PREP: variants seen among roughly 807,000 people sequenced by gnomAD.
The protein encoded by PREP is prolyl endopeptidase.
A neutral mutation model predicts 87.6 loss-of-function variants in PREP; 29 were observed. The observed-to-expected ratio is 0.33, with a 90% CI of 0.25 to 0.45. PREP has a LOEUF of 0.45. Ranked by LOEUF, PREP falls within the 20% of genes least tolerant of loss-of-function variation. The pLI is 1.00. For synonymous variants in PREP, 337 were observed against 328.6 expected (o/e 1.03, Z -0.28); for missense variants, 695 against 886.5 (o/e 0.78, Z 2.74).
At chr6:105,288,676 T>A (rs934269576) in intron 11 of PREP, 82 bp downstream of exon 11, 1 of 1,534,586 alleles carries the variant, frequency 6.5e-7, no homozygotes, top group Non-Finnish European at 8.8e-7. Context: ...TTTTAGAAAG[T>A]TGATTTAGTA....
intron 10 of PREP, among the ~76,000 whole-genome samples, chr6:105,293,289 C>T (rs1036302063): frequency 2.6e-4 from 39 of 152,070 alleles, no homozygotes; most frequent in Non-Finnish European, 3.2e-4. Flanking sequence ...GGTTGTTAAT[C>T]GCCCTAATTG....
intron 6 of PREP, among the ~76,000 whole-genome samples, chr6:105,367,629 G>A (rs909242034): frequency 1.4e-5 from 2 of 145,352 alleles, no homozygotes; most frequent in East Asian, 4.0e-4. Context: ...CCGAGATCCC[G>A]CCACTGCGCT....
At chr6:105,354,926 T>A (rs1772053050) in intron 6 of PREP, among the ~76,000 whole-genome samples, 1 of 152,202 alleles carries the variant, frequency 6.6e-6, no homozygotes, top group African/African-American at 2.4e-5. Flanking sequence ...GCAAGACATT[T>A]TTCTAGGTAT....
chr6:105,328,142 A>G (rs1006319294), intron 9 of PREP, among the ~76,000 whole-genome samples: 1 of 152,224 alleles, frequency 6.6e-6, no homozygotes, highest in Non-Finnish European at 1.5e-5. Flanking sequence ...ATTGATTCTC[A>G]GCTTATTCCA....
intron 6 of PREP, among the ~76,000 whole-genome samples, chr6:105,366,748 G>A (rs569289191): frequency 2.5e-4 from 38 of 152,204 alleles, no homozygotes; most frequent in Non-Finnish European, 5.0e-4. Flanking sequence ...ATTGTTCAGC[G>A]TTAAAAAGGA....
chr6:105,276,408 C>A lies in PREP; in HGVS notation c.*1736G>T, dbSNP rs752204524. Among the ~76,000 whole-genome samples, 1 of 152,224 alleles carries A rather than the reference C, an allele frequency of 6.6e-6. No homozygotes were observed. The highest frequency in any genetic ancestry group is 2.4e-5 in the African/African-American group (1 of 41,448). On this transcript the variant is annotated 3_prime_UTR_variant, in exon 15 of 15. Transcript: ENST00000652536. ...GAAAGTATGGTTAGATTCTGTGCAA[C>A]CTTGAAAATGCTCTGGACTCAGTGG... is the stretch of plus-strand genomic sequence containing the variant.
At chr6:105,343,677 T>G (rs1041307873) in intron 7 of PREP, among the ~76,000 whole-genome samples, 8 of 120,324 alleles carry the variant, frequency 6.6e-5, no homozygotes, top group Non-Finnish European at 9.3e-5. Context: ...AAATTTACAA[T>G]AAAAAAATCA....
chr6:105,387,134 A>G (rs945646952), intron 2 of PREP, among the ~76,000 whole-genome samples: 9 of 152,112 alleles, frequency 5.9e-5, no homozygotes, highest in Admixed American at 5.9e-4. Context: ...AGACATGAGA[A>G]TTGCTTGAAC....
chr6:105,397,326 A>G (rs1287642368), intron 2 of PREP, among the ~76,000 whole-genome samples: 1 of 145,978 alleles, frequency 6.9e-6, no homozygotes, highest in Non-Finnish European at 1.5e-5. Context: ...TGTTTCTCCA[A>G]AAGAATATGA....
At position 105,277,914 on chromosome 6, in the gene PREP, C is replaced by A; in HGVS notation, c.*230G>T. 1 of 593,160 alleles carries A rather than the reference C, an allele frequency of 1.7e-6. No homozygotes were observed. The highest frequency in any genetic ancestry group is 2.9e-6 in the Non-Finnish European group (1 of 348,410). The allele number at this position is 593,160 out of a possible 1,614,324, so 36.7% of individuals were successfully genotyped here. On this transcript the variant is annotated 3_prime_UTR_variant, in exon 15 of 15. Coordinates refer to ENST00000652536, the MANE Select transcript of PREP (RefSeq NM_002726.5). ...TCCCAACATGCCCTTAAAAAAAACACCAAAAAACCACATGTGCCTAGACAG... is the reference window on the plus strand; with the variant it reads ...TCCCAACATGCCCTTAAAAAAAACAACAAAAAACCACATGTGCCTAGACAG...
Position 105,343,458 on chromosome 6 carries a change from C to T in PREP, c.823+9514G>A, listed in dbSNP as rs527658622. Among the ~76,000 whole-genome samples the T allele has an allele frequency of 1.2e-4, 18 of 152,258 alleles. No individual in the cohort carries two copies. In the South Asian group the frequency reaches 2.1e-3, roughly 18 times the overall value. ...AACCTAGGCAATACCATTCAGGACA[C>T]AGGCATGGGCAAGGACTTCATGACT... On this transcript the variant is annotated intron_variant, in intron 7 of 14. Coordinates refer to ENST00000652536, the MANE Select transcript of PREP (RefSeq NM_002726.5).
chr6:105,304,593 C>T lies in PREP; in HGVS notation c.1318-15699G>A, dbSNP rs113015271. 2.3e-3 allele frequency among the ~76,000 whole-genome samples: 348 copies of T among 152,290 alleles called. 1 individual carries two copies. Among genetic ancestry groups the T allele is most frequent in the African/African-American group, 8.0e-3 (333 of 41,548 alleles). On this transcript the variant is annotated intron_variant, in intron 10 of 14. Transcript: ENST00000652536. ...ACTGTATTGTGCTCCCATGTGTCCC[C>T]GTTCTAGGCCTGTGCATCTATTTGC...
chr6:105,289,314 C>A (rs114734929), intron 10 of PREP, among the ~76,000 whole-genome samples: 3,484 of 152,250 alleles, frequency 0.023, 50 homozygotes, highest in Middle Eastern at 0.058. Context: ...GCCATCCTGC[C>A]AAGCAACTCA....
chr6:105,380,702 T>A (rs1487764450), intron 2 of PREP, among the ~76,000 whole-genome samples: 1 of 152,146 alleles, frequency 6.6e-6, no homozygotes, highest in Non-Finnish European at 1.5e-5. Flanking sequence ...GTCAGAGCCC[T>A]AAGAAGGATT....
At chr6:105,301,241 A>G (rs1400477977) in intron 10 of PREP, among the ~76,000 whole-genome samples, 1 of 152,224 alleles carries the variant, frequency 6.6e-6, no homozygotes. Flanking sequence ...TTAAAGGAGA[A>G]TGTTCATAAA....
chr6:105,373,474 G>T lies in PREP; in HGVS notation c.490C>A (p.Leu164Ile). ...TTGACTCTTTCAAGCACATCTGGAA[G>T]CTCTTTGGCACCATCAACTTTCATG... ...KFMKVDGAKELPDVLERVKFS... is the reference protein window; with the variant it reads ...KFMKVDGAKEIPDVLERVKFS... The change falls in exon 5 of 15, where the codon CTT becomes ATT. Residue 164 changes from leucine (L) to isoleucine (I), a missense_variant. Leu to Ile is a conservative substitution (Grantham distance 5). Transcript: ENST00000652536. The T allele has an allele frequency of 6.2e-7, 1 of 1,614,230 alleles. No individual in the cohort carries two copies. The highest frequency in any genetic ancestry group is 2.2e-5 in the East Asian group (1 of 44,892).
intron 6 of PREP, among the ~76,000 whole-genome samples, chr6:105,354,461 T>C (rs1426232656): frequency 6.6e-6 from 1 of 152,166 alleles, no homozygotes; most frequent in African/African-American, 2.4e-5. Flanking sequence ...TAATTTTATA[T>C]GTCAATCTGG....
Position 105,274,697 on chromosome 6 carries a change from G to C in PREP, c.*3447C>G, listed in dbSNP as rs1387040652. ...GCAGGAGAATCACGTGAACCCAAGAGGTGGAGGTTGCAGTAAGCTGAGATA... is the reference window on the plus strand; with the variant it reads ...GCAGGAGAATCACGTGAACCCAAGACGTGGAGGTTGCAGTAAGCTGAGATA... On this transcript the variant is annotated 3_prime_UTR_variant, in exon 15 of 15. Transcript: ENST00000652536. 6.6e-6 allele frequency among the ~76,000 whole-genome samples: 1 copy of C among 152,186 alleles called. No individual in the cohort carries two copies. The highest frequency in any genetic ancestry group is 6.5e-5 in the Admixed American group (1 of 15,278).
At chr6:105,371,500 C>CAAAAAAAAAAAAAAAAAA (rs528772896) in intron 5 of PREP, among the ~76,000 whole-genome samples, 1 of 44,804 alleles carries the variant, frequency 2.2e-5, no homozygotes, top group African/African-American at 6.2e-5. Context: ...GATTCCATCT[C>CAAAAAAAAAAAAAAAAAA]AAAAAAAAAA....
Sources: gnomAD v4.1 joint callset for allele counts (sites outside exome capture counted in the v4.1 genomes callset) on GRCh38, gnomAD v4.1.1 for gene constraint, MANE v1.5 for transcripts, NCBI Gene and HGNC (gene_info 2026-07-23, HGNC 2026-07-21) for gene names.